The following CLIP4 variants were observed in gnomAD, a reference collection of about 807,000 sequenced individuals.
CLIP4 encodes the protein CAP-Gly domain containing linker protein family member 4.
CLIP4 carries 47 observed loss-of-function variants against 73.1 expected under a neutral mutation model. The ratio of observed to expected loss-of-function variants is 0.64; its 90% CI spans 0.51 to 0.82. CLIP4 has a LOEUF of 0.82. CLIP4 is among the 40% of genes least tolerant of loss of function. CLIP4 has a pLI of 0.00. For missense variants in CLIP4, 874 were observed against 852.9 expected (o/e 1.02, Z -0.31); for synonymous variants, 306 against 295.4 (o/e 1.04, Z -0.37).
chr2:29,157,307 A>G lies in CLIP4; in HGVS notation c.1359A>G (p.Thr453=). 1 of 1,614,132 alleles carries G rather than the reference A, an allele frequency of 6.2e-7. No individual in the cohort carries two copies. Among genetic ancestry groups the G allele is most frequent in the Non-Finnish European group, 8.5e-7 (1 of 1,179,980 alleles). The part of the protein sequence containing the change: ...KQNAISSNKK[T]MSKSPSLSSR... The stretch of plus-strand genomic sequence containing the variant: ...ATGCAATCAGCAGTAACAAGAAGAC[A>G]ATGAGCAAAAGCCCTTCCCTTTCAT... Residue 453 remains threonine, a synonymous_variant, in exon 11 of 16, where the codon ACA becomes ACG. Coordinates refer to ENST00000320081, the MANE Select transcript of CLIP4 (RefSeq NM_024692.6).
In CLIP4 at chr2:29,139,081, A is replaced by G. The variant is rs184247454; in HGVS notation, c.648+3415A>G. 8.5e-5 allele frequency among the ~76,000 whole-genome samples: 13 copies of G among 152,214 alleles called. No homozygotes were observed. In the East Asian group the frequency reaches 1.7e-3, roughly 20 times the overall value. On this transcript the variant is annotated intron_variant, in intron 6 of 15. Coordinates refer to ENST00000320081, the MANE Select transcript of CLIP4 (RefSeq NM_024692.6). ...CAGTGGACATTCTTGTTTTGTTCCA[A>G]TTCTCAGGAGGAATGTTTCCAACTT...
chr2:29,165,612 A>G (rs996529583), intron 13 of CLIP4, among the ~76,000 whole-genome samples: 32 of 152,212 alleles, frequency 2.1e-4, no homozygotes, highest in African/African-American at 7.5e-4. Flanking sequence ...TCACCAGTGA[A>G]TCTTCTGTGT....
intron 11 of CLIP4, among the ~76,000 whole-genome samples, chr2:29,159,672 C>G (rs1291606636): frequency 1.5e-5 from 2 of 137,392 alleles, no homozygotes; most frequent in East Asian, 4.1e-4. Context: ...CACAGCAAGA[C>G]CCTGTTTCTT....
At chr2:29,134,798 C>A (rs35127758) in intron 5 of CLIP4, among the ~76,000 whole-genome samples, 33,633 of 151,958 alleles carry the variant, frequency 0.22, 4,134 homozygotes, top group African/African-American at 0.33. Flanking sequence ...CTATGTTAAA[C>A]GTTATTAACA....
intron 6 of CLIP4, among the ~76,000 whole-genome samples, chr2:29,140,980 C>T (rs1665724878): frequency 6.6e-6 from 1 of 152,134 alleles, no homozygotes; most frequent in Non-Finnish European, 1.5e-5. Flanking sequence ...GTACTTTACT[C>T]TTAACACTGC....
chr2:29,170,176 A>G (rs1467946720), intron 14 of CLIP4, among the ~76,000 whole-genome samples: 1 of 152,078 alleles, frequency 6.6e-6, no homozygotes, highest in Non-Finnish European at 1.5e-5. Flanking sequence ...ACTTAGGTTG[A>G]TTCTATATCT....
Position 29,152,826 on chromosome 2 carries a change from C to G in CLIP4, c.1163C>G (p.Thr388Ser). 6.2e-7 allele frequency: 1 copy of G among 1,612,548 alleles called. No homozygotes were observed. The highest frequency in any genetic ancestry group is 8.5e-7 in the Non-Finnish European group (1 of 1,179,464). Reference protein sequence around the residue: ...DVAHVTSKVNTGLMTSKKDSA... With the variant: ...DVAHVTSKVNSGLMTSKKDSA... ...GCTCATGTGACGTCAAAAGTAAATA[C>G]TGGTAGGTCAAACCAGAAAGTTAAC... The change falls in exon 9 of 16, where the codon ACT (threonine) becomes AGT (serine). Residue 388 changes from threonine to serine, a missense_variant and splice_region_variant. Thr to Ser is a moderately conservative substitution (Grantham distance 58). Transcript: ENST00000320081.
intron 8 of CLIP4, among the ~76,000 whole-genome samples, chr2:29,146,694 T>G (rs530718533): frequency 1.3e-5 from 2 of 152,330 alleles, no homozygotes; most frequent in South Asian, 2.1e-4. Context: ...ATGAAGCGGA[T>G]GGACTTTGGA....
At chr2:29,134,812 C>T (rs1665233146) in intron 5 of CLIP4, among the ~76,000 whole-genome samples, 1 of 151,936 alleles carries the variant, frequency 6.6e-6, no homozygotes, top group South Asian at 2.1e-4. Flanking sequence ...ATTAACATGT[C>T]CTTAGAGTTG....
rs79008307 is a variant in CLIP4, at chr2:29,181,704, G to A, written c.1929G>A (p.Val643=). The A allele has an allele frequency of 3.6e-4, 582 of 1,614,184 alleles. 3 individuals are homozygous for A. In the East Asian group the frequency reaches 9.0e-3, roughly 25 times the overall value. The change falls in exon 16 of 16, where the codon GTG becomes GTA. Residue 643 remains valine (V), a synonymous_variant. Coordinates refer to ENST00000320081, the MANE Select transcript of CLIP4 (RefSeq NM_024692.6). ...SSNEMGTVRY[V]GPTDFASGIW... ...ATGAGATGGGTACTGTTAGGTATGT[G>A]GGCCCCACTGACTTTGCTTCAGGTA...
In CLIP4 at chr2:29,170,707, A is replaced by G. The variant is rs149510827; in HGVS notation, c.1723+3167A>G. ...ATCACTCTGATTTTTGTCCTGTGTTATCTTCTAGGAGTTTTATAGTTTTGT... is the reference window on the plus strand; with the variant it reads ...ATCACTCTGATTTTTGTCCTGTGTTGTCTTCTAGGAGTTTTATAGTTTTGT... On this transcript the variant is annotated intron_variant, in intron 14 of 15. Coordinates refer to ENST00000320081, the MANE Select transcript of CLIP4 (RefSeq NM_024692.6). Among the ~76,000 whole-genome samples, 91 of 152,202 alleles carry G rather than the reference A, an allele frequency of 6.0e-4. 2 individuals are homozygous for G. The East Asian group carries it at 0.012, about 21-fold the overall frequency.
chr2:29,157,974 A>G lies in CLIP4; in HGVS notation c.1399+627A>G, dbSNP rs143954150. 2.1e-3 allele frequency among the ~76,000 whole-genome samples: 318 copies of G among 152,300 alleles called. 1 individual carries two copies. Among genetic ancestry groups the G allele is most frequent in the African/African-American group, 7.2e-3 (298 of 41,572 alleles). On this transcript the variant is annotated intron_variant, in intron 11 of 15. Transcript: ENST00000320081. ...CTCTTTATTACCAGATTCTTTTTTT[A>G]GTGCTTCTATTAATAGTTCTTGTAG...
intron 2 of CLIP4, 38 bp from the exon 3 acceptor site, chr2:29,131,220 C>G: frequency 6.8e-7 from 1 of 1,472,778 alleles, no homozygotes; most frequent in Non-Finnish European, 9.3e-7. Context: ...TTATTTGAAA[C>G]TTTTAGTAAA....
intron 2 of CLIP4, among the ~76,000 whole-genome samples, chr2:29,121,940 C>T (rs1383869178): frequency 6.6e-6 from 1 of 152,140 alleles, no homozygotes; most frequent in South Asian, 2.1e-4. Flanking sequence ...TAAATTGGTC[C>T]ATTTACATCT....
Position 29,176,286 on chromosome 2 carries a change from A to G in CLIP4, c.1796+1841A>G, listed in dbSNP as rs563306434. ...GTTGTGCTGTTGTTAACCTGGAGAC[A>G]TGGTGTGTTCTGAGACACGTGTGTT... is the stretch of plus-strand genomic sequence containing the variant. On this transcript the variant is annotated intron_variant, in intron 15 of 15. Coordinates refer to ENST00000320081, the MANE Select transcript of CLIP4 (RefSeq NM_024692.6). Among the ~76,000 whole-genome samples, 3 of 152,298 alleles carry G rather than the reference A, an allele frequency of 2.0e-5. No individual in the cohort carries two copies. In the South Asian group the frequency reaches 6.2e-4, roughly 32 times the overall value.
chr2:29,117,046 A>G (rs1047271247), intron 1 of CLIP4, among the ~76,000 whole-genome samples: 1 of 152,180 alleles, frequency 6.6e-6, no homozygotes, highest in Non-Finnish European at 1.5e-5. Flanking sequence ...TCCCTTGTTA[A>G]TTATTTATAA....
chr2:29,100,910 T>C (rs1231455049), intron 1 of CLIP4, among the ~76,000 whole-genome samples: 3 of 151,826 alleles, frequency 2.0e-5, no homozygotes, highest in Non-Finnish European at 4.4e-5. Context: ...AAGAGGGAGT[T>C]TATTAGGAGA....
At chr2:29,132,461 A>G (rs567718085) in intron 4 of CLIP4, 1 of 528,132 alleles carries the variant, frequency 1.9e-6, no homozygotes, top group African/African-American at 1.9e-5. Flanking sequence ...ACTTTTCTGG[A>G]TCAGGCCTCA....
intron 8 of CLIP4, among the ~76,000 whole-genome samples, chr2:29,148,683 ATC>A (rs762578509): frequency 1.3e-5 from 2 of 152,118 alleles, no homozygotes; most frequent in South Asian, 2.1e-4. Flanking sequence ...ATTTACGTGA[ATC>A]TCTCTTGATT....
Sources: allele counts gnomAD v4.1 joint callset (sites outside exome capture counted in the v4.1 genomes callset), GRCh38; gene constraint gnomAD v4.1.1; transcripts MANE v1.5; gene names NCBI Gene and HGNC (gene_info 2026-07-23, HGNC 2026-07-21).